Variants in LTBP1 observed in about 807,000 individuals in gnomAD.
LTBP1 encodes latent transforming growth factor beta binding protein 1.
A neutral mutation model predicts 207.6 loss-of-function variants in LTBP1; 129 were observed. That is an observed-to-expected ratio of 0.62 (90% CI 0.54 to 0.72). The LOEUF is 0.72. LTBP1 is among the 30% of genes least tolerant of loss of function. LTBP1 has a pLI of 0.00. For missense variants in LTBP1, 2,281 were observed against 2,217.2 expected, an observed-to-expected ratio of 1.03 and a Z score of -0.58; for synonymous variants, 963 against 833.7, an observed-to-expected ratio of 1.16 and a Z score of -2.67.
At chr2:33,385,057 T>C (rs72802039) in intron 31 of LTBP1, among the ~76,000 whole-genome samples, 5,827 of 152,326 alleles carry the variant, frequency 0.038, 155 homozygotes, top group Non-Finnish European at 0.057. Context: ...ATATTAAAAA[T>C]TCTTGGACAT....
chr2:32,993,295 A>G (rs1684705108), intron 2 of LTBP1, among the ~76,000 whole-genome samples: 1 of 152,298 alleles, frequency 6.6e-6, no homozygotes, highest in South Asian at 2.1e-4. Flanking sequence ...GAAAGAATTC[A>G]AGAGACATGG....
At chr2:33,381,362 T>C (rs760587713) in intron 31 of LTBP1, among the ~76,000 whole-genome samples, 4 of 152,130 alleles carry the variant, frequency 2.6e-5, no homozygotes, top group Non-Finnish European at 5.9e-5. Context: ...TAAACAGCAG[T>C]CTGTTGGGAA....
intron 11 of LTBP1, among the ~76,000 whole-genome samples, chr2:33,253,517 G>A (rs542361182): frequency 6.6e-6 from 1 of 152,302 alleles, no homozygotes; most frequent in South Asian, 2.1e-4. Flanking sequence ...AAGTGGAAGA[G>A]AAAGAAATGT....
intron 3 of LTBP1, among the ~76,000 whole-genome samples, chr2:33,091,452 A>G (rs1424985260): frequency 6.6e-6 from 1 of 152,202 alleles, no homozygotes; most frequent in Non-Finnish European, 1.5e-5. Flanking sequence ...TACTCAGCCC[A>G]TGAGTAGAAG....
At chr2:33,164,352 GAAAAAAAAAAAAA>G (rs56916166) in intron 5 of LTBP1, among the ~76,000 whole-genome samples, 3 of 28,258 alleles carry the variant, frequency 1.1e-4, no homozygotes, top group Non-Finnish European at 2.3e-4. Flanking sequence ...TTCCTCTCAG[GAAAAAAAAAAAAA>G]AAAAAAAAAA....
intron 2 of LTBP1, among the ~76,000 whole-genome samples, chr2:32,971,368 C>T (rs1481432564): frequency 1.3e-5 from 2 of 152,034 alleles, no homozygotes; most frequent in East Asian, 1.9e-4. Flanking sequence ...TTGTCTTGTT[C>T]TAGTTCTCAA....
chr2:33,135,032 C>T, intron 5 of LTBP1, 72 bp downstream of exon 5: 2 of 1,432,478 alleles, frequency 1.4e-6, no homozygotes, highest in Non-Finnish European at 1.9e-6. Flanking sequence ...TTAGACACCC[C>T]CTCCATTCAC....
chr2:33,155,286 G>A lies in LTBP1; in HGVS notation c.1201+20326G>A, dbSNP rs568281961. ...TCACCATATTGGCCAGGCTACTCTC[G>A]AACTCCCGACCGACCTCATGATCTG... On this transcript the variant is annotated intron_variant, in intron 5 of 33. Coordinates refer to ENST00000404816, the MANE Select transcript of LTBP1 (RefSeq NM_206943.4). 1.5e-3 allele frequency among the ~76,000 whole-genome samples: 233 copies of A among 151,998 alleles called. 2 individuals carry two copies. Among genetic ancestry groups the A allele is most frequent in the African/African-American group, 5.3e-3 (219 of 41,492 alleles).
chr2:33,049,216 A>G (rs866343915), intron 3 of LTBP1, among the ~76,000 whole-genome samples: 3 of 152,370 alleles, frequency 2.0e-5, no homozygotes, highest in African/African-American at 2.4e-5. Flanking sequence ...GAAACAAACT[A>G]AAATCTTCCG....
chr2:33,129,194 T>C (rs2081612899), intron 4 of LTBP1, among the ~76,000 whole-genome samples: 1 of 152,218 alleles, frequency 6.6e-6, no homozygotes. Flanking sequence ...GACATGTTCA[T>C]GGTCTGTCCT....
Position 33,091,055 on chromosome 2 carries a change from A to G in LTBP1, c.864-19527A>G, listed in dbSNP as rs371923125. Among the ~76,000 whole-genome samples, 37 of 152,296 alleles carry G rather than the reference A, an allele frequency of 2.4e-4. No homozygotes were observed. In the East Asian group the frequency reaches 6.2e-3, roughly 25 times the overall value. ...TAATTGTACTTAAGAACCATCTAGGAATGCTATGCCTCTGGGTAGCAGCAC... is the reference window on the plus strand; with the variant it reads ...TAATTGTACTTAAGAACCATCTAGGGATGCTATGCCTCTGGGTAGCAGCAC... On this transcript the variant is annotated intron_variant, in intron 3 of 33. Coordinates refer to ENST00000404816, the MANE Select transcript of LTBP1 (RefSeq NM_206943.4).
At chr2:33,341,729 A>AAAAAAATAT (rs745445793) in intron 24 of LTBP1, among the ~76,000 whole-genome samples, 33 of 93,618 alleles carry the variant, frequency 3.5e-4, no homozygotes, top group African/African-American at 1.3e-3. Context: ...AAAAAAAAAA[A>AAAAAAATAT]ATATATATAT....
At chr2:33,375,092 GCT>G (rs1188715738) in intron 31 of LTBP1, among the ~76,000 whole-genome samples, 1 of 152,178 alleles carries the variant, frequency 6.6e-6, no homozygotes, top group East Asian at 1.9e-4. Context: ...ACTGAAAGTA[GCT>G]CTTTGATGTA....
intron 2 of LTBP1, among the ~76,000 whole-genome samples, chr2:33,009,213 T>A (rs913966237): frequency 4.6e-5 from 7 of 152,002 alleles, no homozygotes; most frequent in African/African-American, 1.5e-4. Context: ...ATGGTCAGAT[T>A]CAGGATGTCT....
chr2:33,347,406 A>T lies in LTBP1; in HGVS notation c.3896A>T (p.Glu1299Val). 1 of 1,614,166 alleles carries T rather than the reference A, an allele frequency of 6.2e-7. No individual in the cohort carries two copies. The highest frequency in any genetic ancestry group is 1.1e-5 in the South Asian group (1 of 91,080). Residue 1299 changes from glutamate to valine, a missense_variant, in exon 26 of 34, where the codon GAA becomes GTA. Physicochemically the swap from Glu to Val is moderately radical, Grantham distance 121. This residue lies in a region of LTBP1 where 1,671 missense variants were observed against 1,634.8 expected (regional missense o/e 1.02). Coordinates refer to ENST00000404816, the MANE Select transcript of LTBP1 (RefSeq NM_206943.4). ...ECELLSGVCG[E>V]AFCENVEGSF... The stretch of plus-strand genomic sequence containing the variant: ...GAACTGCTCAGTGGGGTGTGTGGTG[A>T]AGCCTTCTGTGAAAACGTGGAAGGG...
intron 24 of LTBP1, among the ~76,000 whole-genome samples, chr2:33,334,851 T>C (rs149406283): frequency 1.3e-3 from 195 of 151,582 alleles, no homozygotes; most frequent in African/African-American, 4.5e-3. Flanking sequence ...GGAGGATCAC[T>C]TGAGCCGAGG....
intron 3 of LTBP1, among the ~76,000 whole-genome samples, chr2:33,060,977 C>A (rs1441677021): frequency 6.6e-6 from 1 of 151,942 alleles, no homozygotes; most frequent in Non-Finnish European, 1.5e-5. Flanking sequence ...TTGCTTATAT[C>A]AGATCATAGA....
At chr2:33,217,688 A>T in intron 8 of LTBP1, 34 bp downstream of exon 8, 1 of 1,459,588 alleles carries the variant, frequency 6.9e-7, no homozygotes, top group Non-Finnish European at 9.6e-7. Context: ...TTGCAGGTTA[A>T]TGTAGCATAT....
intron 2 of LTBP1, among the ~76,000 whole-genome samples, chr2:33,019,552 C>G (rs1009682527): frequency 1.3e-5 from 2 of 151,886 alleles, no homozygotes; most frequent in African/African-American, 4.8e-5. Context: ...CCAGGCTGGT[C>G]TCGAACTCCT....
Sources: gnomAD v4.1 joint callset for allele counts (sites outside exome capture counted in the v4.1 genomes callset) on GRCh38, gnomAD v4.1.1 for gene constraint, gnomAD v4.1.1 regional missense constraint, MANE v1.5 for transcripts, NCBI Gene and HGNC (gene_info 2026-07-23, HGNC 2026-07-21) for gene names.